Variants in SEPTIN3 observed in about 807,000 individuals in gnomAD.
SEPTIN3 encodes septin 3, also known as neuronal-specific septin-3.
Under a neutral mutation model 45.1 loss-of-function variants are expected in SEPTIN3, and 15 were observed. The ratio of observed to expected loss-of-function variants is 0.33; its 90% CI spans 0.22 to 0.51. The LOEUF (loss-of-function observed/expected upper bound fraction) is 0.51, where lower values mean the gene tolerates loss of function less well. SEPTIN3 is among the 20% of genes least tolerant of loss of function. SEPTIN3 has a pLI of 0.97. For synonymous variants in SEPTIN3, 148 were observed against 164.8 expected, an observed-to-expected ratio of 0.90 and a Z score of 0.78; for missense variants, 289 against 457.2, an observed-to-expected ratio of 0.63 and a Z score of 3.35.
chr22:41,980,902 G>A (rs1293569962), intron 2 of SEPTIN3, among the ~76,000 whole-genome samples: 2 of 152,156 alleles, frequency 1.3e-5, no homozygotes, highest in Non-Finnish European at 1.5e-5. Context: ...CTGGGAGGGT[G>A]TCTGGGCTCC....
Position 41,986,040 on chromosome 22 carries a change from A to G in SEPTIN3, c.1753A>G (p.Ser585Gly). Reference protein sequence around the residue: ...LVNTLFKSQVSRKASSWNREE... With the variant: ...LVNTLFKSQVGRKASSWNREE... ...CAACACGCTCTTCAAATCCCAAGTG[A>G]GCCGCAAGGCCTCCAGCTGGAACCG... is the stretch of plus-strand genomic sequence containing the variant. The change falls in exon 4 of 12, where the codon AGC becomes GGC. Residue 585 changes from serine (S) to glycine (G), a missense_variant. Ser to Gly is a moderately conservative substitution (Grantham distance 56, BLOSUM62 0). Transcript: ENST00000644076. 6.2e-7 allele frequency: 1 copy of G among 1,613,880 alleles called. No homozygotes were observed. Among genetic ancestry groups the G allele is most frequent in the Non-Finnish European group, 8.5e-7 (1 of 1,179,886 alleles).
In SEPTIN3 at chr22:41,972,072, C is replaced by T. The variant is rs1259520078; in HGVS notation, c.580C>T (p.Pro194Ser). The T allele has an allele frequency of 2.5e-6, 1 of 399,018 alleles. No homozygotes were observed. The highest frequency in any genetic ancestry group is 2.1e-5 in the African/African-American group (1 of 48,644). The allele number at this position is 399,018 out of a possible 1,614,324, so 24.7% of individuals were successfully genotyped here. Reference sequence around the variant, plus strand: ...CCTGGTGAGTTCCTACCTAGCCTTACCTTTCCAATCCCGGTTAGCCCAGAG... The same window carrying T: ...CCTGGTGAGTTCCTACCTAGCCTTATCTTTCCAATCCCGGTTAGCCCAGAG... ...KPLVSSYLAL[P>S]FQSRLAQSAP... is the part of the protein sequence containing the mutation. The change falls in exon 2 of 12, where the codon CCT becomes TCT. Residue 194 changes from proline (P) to serine (S), a missense_variant. Pro to Ser is a moderately conservative substitution (Grantham distance 74). Around this residue, in one of 3 missense-constraint regions of SEPTIN3, gnomAD observed 200 missense variants for 315.1 expected, o/e 0.63. Transcript: ENST00000644076.
rs747549425 is a variant in SEPTIN3, at chr22:41,994,922, T to TGTGTGTGTGA, written c.2505+209_2505+210insTGTGTGTGAG. 4 of 1,297,166 alleles carry TGTGTGTGTGA rather than the reference T, an allele frequency of 3.1e-6. No individual in the cohort carries two copies. Among genetic ancestry groups the TGTGTGTGTGA allele is most frequent in the East Asian group, 5.3e-5 (2 of 37,864 alleles). 80.4% of individuals were successfully genotyped at this position (1,297,166 alleles called of 1,614,324 possible). A position where few individuals can be genotyped will look rare whatever the true frequency, so the allele number is the denominator to read the frequency against. On this transcript the variant is annotated intron_variant, in intron 11 of 11. Transcript: ENST00000644076. This position sits in a 1 kb window ranked among gnomAD's most constrained non-coding sequence, Gnocchi z 4.2. Reference sequence around the variant, plus strand: ...GTGTGTGTGTGTGTGTGTGTGTGTGTGACAGAGAGAGAGCGAGAGAGCCTG... The same window carrying TGTGTGTGTGA: ...GTGTGTGTGTGTGTGTGTGTGTGTGTGTGTGTGTGAGACAGAGAGAGAGCGAGAGAGCCTG...
intron 2 of SEPTIN3, among the ~76,000 whole-genome samples, chr22:41,981,104 G>A (rs1434657891): frequency 6.6e-6 from 1 of 152,180 alleles, no homozygotes; most frequent in African/African-American, 2.4e-5. Context: ...CCCTTTATTC[G>A]GGGAGGGAGG....
intron 2 of SEPTIN3, among the ~76,000 whole-genome samples, chr22:41,980,285 C>T (rs1159233857): frequency 6.6e-6 from 1 of 151,930 alleles, no homozygotes; most frequent in Non-Finnish European, 1.5e-5. Context: ...TTACAGGCGC[C>T]TGCCACCATG....
intron 4 of SEPTIN3, among the ~76,000 whole-genome samples, chr22:41,986,408 C>T (rs2146701192): frequency 6.6e-6 from 1 of 152,284 alleles, no homozygotes; most frequent in Middle Eastern, 3.4e-3. Context: ...AATCCCAGCA[C>T]TTCGGGAGGC....
chr22:41,974,860 GAAAAAAAAAAAAAA>G (rs55642127), intron 2 of SEPTIN3, among the ~76,000 whole-genome samples: 2 of 74,290 alleles, frequency 2.7e-5, no homozygotes, highest in South Asian at 4.7e-4. Context: ...GTCTCAAAAA[GAAAAAAAAAAAAAA>G]AAAAAAAAAA....
At chr22:41,993,528 G>T (rs2078359889) in intron 9 of SEPTIN3, among the ~76,000 whole-genome samples, 2 of 152,208 alleles carry the variant, frequency 1.3e-5, no homozygotes, top group South Asian at 2.1e-4. Flanking sequence ...GCTAATTTTT[G>T]TATTTTTCGT....
intron 11 of SEPTIN3, chr22:41,995,331 G>A: frequency 1.0e-6 from 1 of 989,186 alleles, no homozygotes; most frequent in Non-Finnish European, 1.2e-6. Context: ...GCCAGAGCTG[G>A]GTTCTTGCAG....
At position 41,986,087 on chromosome 22, in the gene SEPTIN3, A is replaced by C. The variant is rs760248585; in HGVS notation, c.1800A>C (p.Thr600=). 2 of 1,613,562 alleles carry C rather than the reference A, an allele frequency of 1.2e-6. No homozygotes were observed. Among genetic ancestry groups the C allele is most frequent in the South Asian group, 2.2e-5 (2 of 91,054 alleles). The stretch of plus-strand genomic sequence containing the variant: ...ACCGGGAGGAGAAGATCCCCAAGAC[A>C]GTGGAGATCAAAGCTATCGGGCATG... ...SWNREEKIPK[T]VEIKAIGHVI... Residue 600 remains threonine, a synonymous_variant, in exon 4 of 12, where the codon ACA becomes ACC. Transcript: ENST00000644076.
At chr22:41,987,581 T>C in intron 5 of SEPTIN3, 41 bp from the exon 6 acceptor site, 1 of 1,591,606 alleles carries the variant, frequency 6.3e-7, no homozygotes, top group Non-Finnish European at 8.6e-7. Flanking sequence ...GCCCTAGGTC[T>C]TGTTCTTCTG....
chr22:41,996,477 A>C, intron 11 of SEPTIN3: 2 of 992,862 alleles, frequency 2.0e-6, no homozygotes, highest in Non-Finnish European at 2.4e-6. Context: ...AGGAAAAAAA[A>C]CATAGACTCA....
intron 2 of SEPTIN3, among the ~76,000 whole-genome samples, chr22:41,979,081 C>T (rs2078079781): frequency 1.3e-5 from 2 of 152,334 alleles, no homozygotes; most frequent in South Asian, 4.1e-4. Flanking sequence ...GACTTGCCAG[C>T]AGGCGCTGTG....
At chr22:41,988,791 G>C (rs1336381087) in intron 6 of SEPTIN3, among the ~76,000 whole-genome samples, 1 of 152,096 alleles carries the variant, frequency 6.6e-6, no homozygotes, top group Non-Finnish European at 1.5e-5. Context: ...TAACTCTGGG[G>C]GCTAGGAGGA....
chr22:41,986,802 G>A (rs993589784), intron 4 of SEPTIN3, among the ~76,000 whole-genome samples: 3 of 151,940 alleles, frequency 2.0e-5, no homozygotes, highest in Admixed American at 6.6e-5. Context: ...CGCCCGGCCC[G>A]AAACCCTGTC....
chr22:41,989,646 A>G lies in SEPTIN3; in HGVS notation c.2125A>G (p.Thr709Ala), dbSNP rs762111239. Residue 709 changes from threonine to alanine, a missense_variant, in exon 7 of 12, where the codon ACC becomes GCC. Around this residue, in one of 3 missense-constraint regions of SEPTIN3, gnomAD observed 200 missense variants for 315.1 expected, o/e 0.63. Coordinates refer to ENST00000644076, the MANE Select transcript of SEPTIN3 (RefSeq NM_001363845.2). The stretch of plus-strand genomic sequence containing the variant: ...CATCCCTGTCATTGCTAAGGCTGAC[A>G]CCATGACCCTGGAGGAGAAGTCTGA... ...NIIPVIAKAD[T>A]MTLEEKSEFK... The G allele has an allele frequency of 6.2e-7, 1 of 1,613,874 alleles. No homozygotes were observed. The highest frequency in any genetic ancestry group is 1.1e-5 in the South Asian group (1 of 91,054).
intron 8 of SEPTIN3, 34 bp from the exon 9 acceptor site, chr22:41,992,630 A>T: frequency 7.0e-7 from 1 of 1,435,236 alleles, no homozygotes; most frequent in South Asian, 1.3e-5. Flanking sequence ...ATGACGGTGC[A>T]CATGTGTCTG....
chr22:41,997,839 G>A lies in SEPTIN3; in HGVS notation c.*872G>A, dbSNP rs1417632523. 1 of 152,618 alleles carries A rather than the reference G, an allele frequency of 6.6e-6. No individual in the cohort carries two copies. The highest frequency in any genetic ancestry group is 1.5e-5 in the Non-Finnish European group (1 of 68,054). 9.5% of individuals were successfully genotyped at this position (152,618 alleles called of 1,614,324 possible). A position where few individuals can be genotyped will look rare whatever the true frequency, so the allele number is the denominator to read the frequency against. ...CCACAGGTGGTCACTGTAGGCTAAT[G>A]GAAAATACCCAAGGGAGGGCAAAGC... On this transcript the variant is annotated 3_prime_UTR_variant, in exon 12 of 12. Transcript: ENST00000644076.
intron 11 of SEPTIN3, chr22:41,996,300 G>C: frequency 1.0e-6 from 1 of 985,274 alleles, no homozygotes; most frequent in Non-Finnish European, 1.2e-6. Context: ...CATGAAATTC[G>C]GGGCCAGGGA....
Sources: allele counts gnomAD v4.1 joint callset (sites outside exome capture counted in the v4.1 genomes callset), GRCh38; gene constraint gnomAD v4.1.1; regional missense constraint gnomAD v4.1.1; non-coding constraint Gnocchi (gnomAD v3.1); transcripts MANE v1.5; gene names NCBI Gene and HGNC (gene_info 2026-07-23, HGNC 2026-07-21).